The following PHLDB2 variants were observed in gnomAD, a reference collection of about 807,000 sequenced individuals.
PHLDB2 encodes the protein pleckstrin homology-like domain family B member 2.
In PHLDB2, 71 loss-of-function variants were observed where a neutral mutation model predicts 123.6. That is an observed-to-expected ratio of 0.57 (90% CI 0.47 to 0.70). The LOEUF (loss-of-function observed/expected upper bound fraction) is 0.70, where lower values mean the gene tolerates loss of function less well. Ranked by LOEUF, PHLDB2 falls within the 30% of genes least tolerant of loss-of-function variation. PHLDB2 has a pLI of 0.00. For missense variants in PHLDB2, 1,446 were observed against 1,519.5 expected (o/e 0.95, Z 0.80); for synonymous variants, 547 against 541.6 (o/e 1.01, Z -0.14).
chr3:111,961,992 C>G (rs932829721), intron 12 of PHLDB2, 116 bp from the exon 13 acceptor site: 1 of 963,034 alleles, frequency 1.0e-6, no homozygotes, highest in Admixed American at 2.5e-5. Flanking sequence ...ACAAATTAGA[C>G]CAAGGCCCAA....
At chr3:111,899,892 C>G (rs959864239) in intron 2 of PHLDB2, among the ~76,000 whole-genome samples, 12 of 152,224 alleles carry the variant, frequency 7.9e-5, no homozygotes, top group African/African-American at 2.7e-4. Context: ...AGGAGTGAGC[C>G]ACTGGCCCAG....
chr3:111,816,171 T>C (rs2062068215), intron 1 of PHLDB2, among the ~76,000 whole-genome samples: 1 of 152,208 alleles, frequency 6.6e-6, no homozygotes, highest in Non-Finnish European at 1.5e-5. Flanking sequence ...GAACCTCCAC[T>C]AGGGCAGTGC....
chr3:111,848,358 C>T (rs2064101407), intron 2 of PHLDB2, among the ~76,000 whole-genome samples: 1 of 152,224 alleles, frequency 6.6e-6, no homozygotes, highest in South Asian at 2.1e-4. Flanking sequence ...AGGAGTTTTC[C>T]ACCTGGATAG....
intron 1 of PHLDB2, among the ~76,000 whole-genome samples, chr3:111,733,338 G>A (rs937282152): frequency 6.6e-6 from 1 of 152,146 alleles, no homozygotes; most frequent in Admixed American, 6.5e-5. Context: ...CCTGAATCAG[G>A]AGGACCACCA....
At chr3:111,736,319 T>A (rs2059507010) in intron 1 of PHLDB2, among the ~76,000 whole-genome samples, 1 of 152,256 alleles carries the variant, frequency 6.6e-6, no homozygotes, top group African/African-American at 2.4e-5. Flanking sequence ...AAGATTTTTT[T>A]AAAAGTTTAT....
At chr3:111,822,317 G>GTGTGTGTGTA (rs1553734228) in intron 1 of PHLDB2, among the ~76,000 whole-genome samples, 17 of 147,806 alleles carry the variant, frequency 1.2e-4, no homozygotes, top group African/African-American at 4.3e-4. Context: ...GTGTGTGTGT[G>GTGTGTGTGTA]TATATATATA....
intron 1 of PHLDB2, among the ~76,000 whole-genome samples, chr3:111,880,966 T>C (rs1040807601): frequency 3.9e-5 from 6 of 152,174 alleles, no homozygotes; most frequent in African/African-American, 1.4e-4. Flanking sequence ...CAGCTTTAGA[T>C]TCCTTACCTC....
Position 111,910,479 on chromosome 3 carries a change from G to T in PHLDB2, c.1336-2840G>T, listed in dbSNP as rs564913758. On this transcript the variant is annotated intron_variant, in intron 2 of 17. Coordinates refer to ENST00000431670, the MANE Select transcript of PHLDB2 (RefSeq NM_001134438.2). ...AGCCAGCCTCTTGACTTATTAAATA[G>T]CAGGTTGTTAGGTGAAGCTTCAAAG... Among the ~76,000 whole-genome samples the T allele has an allele frequency of 3.3e-5, 5 of 152,294 alleles. No homozygotes were observed. The South Asian group carries it at 1.0e-3, about 32-fold the overall frequency.
At chr3:111,796,092 T>G (rs539277994) in intron 1 of PHLDB2, among the ~76,000 whole-genome samples, 5 of 151,982 alleles carry the variant, frequency 3.3e-5, no homozygotes, top group African/African-American at 1.2e-4. Context: ...AGAAACGAGG[T>G]TTCACCATGT....
intron 2 of PHLDB2, among the ~76,000 whole-genome samples, chr3:111,895,643 T>A (rs985581429): frequency 6.6e-6 from 1 of 151,822 alleles, no homozygotes; most frequent in Non-Finnish European, 1.5e-5. Context: ...CGGTCAGGAG[T>A]TCGAGACCAC....
In PHLDB2 at chr3:111,913,510, C is replaced by A; in HGVS notation, c.1527C>A (p.His509Gln). 6.2e-7 allele frequency: 1 copy of A among 1,614,070 alleles called. No individual in the cohort carries two copies. The highest frequency in any genetic ancestry group is 1.1e-5 in the South Asian group (1 of 91,064). The change falls in exon 3 of 18, where the codon CAC becomes CAA. Residue 509 changes from histidine (H) to glutamine (Q), a missense_variant. Transcript: ENST00000431670. ...GCCCTGACACAAGATACAGGTGCCACCGGAAAGACTCCCTCCCTGATGCAG... is the reference window on the plus strand; with the variant it reads ...GCCCTGACACAAGATACAGGTGCCAACGGAAAGACTCCCTCCCTGATGCAG... ...LMSPDTRYRCHRKDSLPDADL... is the reference protein window; with the variant it reads ...LMSPDTRYRCQRKDSLPDADL...
chr3:111,780,552 ATC>A (rs1185869454), intron 1 of PHLDB2, among the ~76,000 whole-genome samples: 1 of 151,726 alleles, frequency 6.6e-6, no homozygotes, highest in Non-Finnish European at 1.5e-5. Flanking sequence ...GCCAAAATAA[ATC>A]TGTTTTCTTT....
chr3:111,878,418 G>A (rs1037730178), intron 1 of PHLDB2, among the ~76,000 whole-genome samples: 6 of 152,206 alleles, frequency 3.9e-5, no homozygotes, highest in Non-Finnish European at 8.8e-5. Context: ...CTGAGACTTC[G>A]CTGAAGTTGC....
chr3:111,839,355 G>A (rs879509252), intron 1 of PHLDB2, among the ~76,000 whole-genome samples: 7 of 152,110 alleles, frequency 4.6e-5, no homozygotes, highest in African/African-American at 9.7e-5. Flanking sequence ...TTTGATTCTT[G>A]TGTATTGGTT....
At chr3:111,876,703 A>T (rs77464505) in intron 1 of PHLDB2, among the ~76,000 whole-genome samples, 1 of 151,960 alleles carries the variant, frequency 6.6e-6, no homozygotes, top group Admixed American at 6.6e-5. Context: ...TATTTCTCCT[A>T]ATGCTATCCC....
chr3:111,937,676 T>C (rs1185516081), intron 6 of PHLDB2, among the ~76,000 whole-genome samples: 1 of 151,826 alleles, frequency 6.6e-6, no homozygotes, highest in Non-Finnish European at 1.5e-5. Flanking sequence ...CTTGGGAGGT[T>C]GAGGCAGGAA....
chr3:111,880,926 C>T (rs1484306435), intron 1 of PHLDB2, among the ~76,000 whole-genome samples: 1 of 152,134 alleles, frequency 6.6e-6, no homozygotes, highest in Non-Finnish European at 1.5e-5. Flanking sequence ...TCTAAAATAT[C>T]AAACCATCCT....
At chr3:111,793,592 A>G (rs2061024221) in intron 1 of PHLDB2, among the ~76,000 whole-genome samples, 1 of 151,904 alleles carries the variant, frequency 6.6e-6, no homozygotes, top group Non-Finnish European at 1.5e-5. Context: ...GTCCCTCCCC[A>G]TAGCCGCCAC....
At chr3:111,942,785 A>G (rs2069996776) in intron 8 of PHLDB2, among the ~76,000 whole-genome samples, 1 of 150,808 alleles carries the variant, frequency 6.6e-6, no homozygotes, top group Non-Finnish European at 1.5e-5. Flanking sequence ...TTAATGAATC[A>G]GCAATATATA....
Sources: allele counts gnomAD v4.1 joint callset (sites outside exome capture counted in the v4.1 genomes callset), GRCh38; gene constraint gnomAD v4.1.1; transcripts MANE v1.5; gene names NCBI Gene and HGNC (gene_info 2026-07-23, HGNC 2026-07-21).